SLC51B: variants seen among roughly 807,000 people sequenced by gnomAD.
The protein encoded by SLC51B is SLC51 subunit beta.
In SLC51B, 6 loss-of-function variants were observed where a neutral mutation model predicts 8.0. The observed-to-expected ratio is 0.75, with a 90% CI of 0.41 to 1.48. The LOEUF is 1.48. SLC51B is among the 40% of genes most tolerant of loss of function. The pLI, the probability that SLC51B is intolerant of heterozygous loss-of-function variation, is 0.01. For missense variants in SLC51B, 150 were observed against 149.7 expected (o/e 1.00, Z -0.01); for synonymous variants, 61 against 54.8 (o/e 1.11, Z -0.50).
intron 1 of SLC51B, among the ~76,000 whole-genome samples, chr15:65,048,157 G>T (rs1244809502): frequency 6.6e-6 from 1 of 151,222 alleles, no homozygotes; most frequent in Non-Finnish European, 1.5e-5. Context: ...CTCCAGCCTG[G>T]GCGACAGAGC....
At chr15:65,051,723 G>A in intron 3 of SLC51B, 118 bp downstream of exon 3, 4 of 821,752 alleles carry the variant, frequency 4.9e-6, no homozygotes, top group Non-Finnish European at 3.9e-6. Context: ...CTTTGGGACA[G>A]CAAAATTCAG....
rs2140506336 is a variant in SLC51B, at chr15:65,050,036, C to T, written c.32C>T (p.Pro11Leu). The change falls in exon 2 of 4, where the codon CCA becomes CTA. Residue 11 changes from proline to leucine, a missense_variant. Coordinates refer to ENST00000334287, the MANE Select transcript of SLC51B (RefSeq NM_178859.4). Reference protein sequence around the residue: MEHSEGAPGDPAGTVVPQELL... With the variant: MEHSEGAPGDLAGTVVPQELL... Reference sequence around the variant, plus strand: ...CACAGTGAGGGGGCTCCCGGAGACCCAGCCGGTACTGTGGTACCCCAGGAG... The same window carrying T: ...CACAGTGAGGGGGCTCCCGGAGACCTAGCCGGTACTGTGGTACCCCAGGAG... The T allele has an allele frequency of 6.4e-7, 1 of 1,551,670 alleles. No individual in the cohort carries two copies. The highest frequency in any genetic ancestry group is 1.4e-5 in the African/African-American group (1 of 73,170).
At position 65,053,375 on chromosome 15, in the gene SLC51B, G is replaced by A; in HGVS notation, c.*211G>A. The A allele has an allele frequency of 7.2e-7, 1 of 1,384,746 alleles. No homozygotes were observed. The highest frequency in any genetic ancestry group is 1.6e-5 in the South Asian group (1 of 62,692). The allele number at this position is 1,384,746 out of a possible 1,614,324, so 85.8% of individuals were successfully genotyped here. On this transcript the variant is annotated 3_prime_UTR_variant, in exon 4 of 4. Transcript: ENST00000334287. ...AAAAATCTTTTATTAAAATGCTCCT[G>A]GAAGGGAGCAGGTGGTATTGCATAG...
rs994661906 is a variant in SLC51B at position 65,053,339 on chromosome 15, C to T, written c.*175C>T. 11 of 1,415,964 alleles carry T rather than the reference C, an allele frequency of 7.8e-6. No individual in the cohort carries two copies. In the African/African-American group the frequency reaches 1.3e-4, roughly 17 times the overall value. The allele number at this position is 1,415,964 out of a possible 1,614,324, so 87.7% of individuals were successfully genotyped here. ...AATGAACTGCAAGCAAACTAAAATT[C>T]TGTTATTAAAAAAAATCTTTTATTA... On this transcript the variant is annotated 3_prime_UTR_variant, in exon 4 of 4. Coordinates refer to ENST00000334287, the MANE Select transcript of SLC51B (RefSeq NM_178859.4).
intron 2 of SLC51B, among the ~76,000 whole-genome samples, chr15:65,050,401 C>A (rs2086634698): frequency 1.3e-5 from 2 of 152,110 alleles, no homozygotes; most frequent in South Asian, 4.2e-4. Context: ...ACACAAAAAT[C>A]TCTGCCTTCA....
chr15:65,053,031 A>T lies in SLC51B; in HGVS notation c.254A>T (p.Asp85Val). Residue 85 changes from aspartate to valine, a missense_variant, in exon 4 of 4, where the codon GAT becomes GTT. Physicochemically the swap from Asp to Val is radical, Grantham distance 152 (BLOSUM62 -3). Coordinates refer to ENST00000334287, the MANE Select transcript of SLC51B (RefSeq NM_178859.4). ...PEVLHLDEAK[D>V]HNSLNNLRET... is the part of the protein sequence containing the mutation. ...GTCCTGCATTTGGATGAGGCCAAGG[A>T]TCACAACAGCCTAAACAACCTAAGA... The T allele has an allele frequency of 6.2e-7, 1 of 1,614,030 alleles. No individual in the cohort carries two copies. Among genetic ancestry groups the T allele is most frequent in the Non-Finnish European group, 8.5e-7 (1 of 1,180,006 alleles).
intron 1 of SLC51B, among the ~76,000 whole-genome samples, chr15:65,046,198 A>G (rs1410966483): frequency 1.3e-5 from 2 of 152,184 alleles, no homozygotes; most frequent in East Asian, 3.8e-4. Flanking sequence ...CTACTCAGGA[A>G]GCTGAGGCAG....
In SLC51B at chr15:65,051,528, T is replaced by A. The variant is rs778933086; in HGVS notation, c.111T>A (p.Asn37Lys). The change falls in exon 3 of 4, where the codon AAT (asparagine) becomes AAA (lysine). Residue 37 changes from asparagine to lysine, a missense_variant. Transcript: ENST00000334287. ...FFRVEDASPW[N>K]HSILALAAVV... The stretch of plus-strand genomic sequence containing the variant: ...GTCCTTCCCCAGCATCTCCCTGGAA[T>A]CATTCCATCCTTGCCCTGGCAGCTG... The A allele has an allele frequency of 6.2e-7, 1 of 1,613,718 alleles. No individual in the cohort carries two copies. Among genetic ancestry groups the A allele is most frequent in the African/African-American group, 1.3e-5 (1 of 75,024 alleles).
In SLC51B at chr15:65,051,579, C is replaced by T. The variant is rs1488551881; in HGVS notation, c.162C>T (p.Leu54=). 9.3e-6 allele frequency: 15 copies of T among 1,613,468 alleles called. No individual in the cohort carries two copies. In the African/African-American group the frequency reaches 2.0e-4, roughly 22 times the overall value. Residue 54 remains leucine, a synonymous_variant, in exon 3 of 4, where the codon CTC becomes CTT. Transcript: ENST00000334287. ...AAVVVIISMV[L]LGRSIQASRK... is the part of the protein sequence containing the mutation. ...TGGTGGTCATTATAAGCATGGTCCT[C>T]CTGGGAAGAAGCATCCAGGCAAGCA...
chr15:65,050,074 A>G lies in SLC51B; in HGVS notation c.70A>G (p.Met24Val). ...GGTACCCCAGGAGCTGCTGGAAGAG[A>G]TGCTTTGGTTTTTTCGTGTGGAAGA... is the stretch of plus-strand genomic sequence containing the variant. ...TVVPQELLEE[M>V]LWFFRVEDAS... Residue 24 changes from methionine (M) to valine (V), a missense_variant, in exon 2 of 4, where the codon ATG becomes GTG. Transcript: ENST00000334287. The G allele has an allele frequency of 6.4e-7, 1 of 1,551,546 alleles. No homozygotes were observed.
At chr15:65,049,549 A>T (rs2086621944) in intron 1 of SLC51B, 1 of 152,930 alleles carries the variant, frequency 6.5e-6, no homozygotes, top group African/African-American at 2.4e-5. Context: ...CCCAAGGGAC[A>T]AGTTGCTATG....
chr15:65,052,352 A>G (rs1391972153), intron 3 of SLC51B, among the ~76,000 whole-genome samples: 1 of 151,260 alleles, frequency 6.6e-6, no homozygotes, highest in Non-Finnish European at 1.5e-5. Flanking sequence ...CACAGGATTC[A>G]AGAGTCAGGA....
chr15:65,053,139 C>T lies in SLC51B; in HGVS notation c.362C>T (p.Pro121Leu), dbSNP rs75962063. 9.9e-6 allele frequency: 16 copies of T among 1,614,042 alleles called. No individual in the cohort carries two copies. The highest frequency in any genetic ancestry group is 8.9e-5 in the East Asian group (4 of 44,870). Residue 121 changes from proline to leucine, a missense_variant, in exon 4 of 4, where the codon CCG (proline) becomes CTG (leucine). Pro to Leu is a moderately conservative substitution (Grantham distance 98). Transcript: ENST00000334287. ...AGAGATGTGCTGTCAGTTTTCCTTCCGGATGTACCAGAAACTGAGAGCTAG... is the reference window on the plus strand; with the variant it reads ...AGAGATGTGCTGTCAGTTTTCCTTCTGGATGTACCAGAAACTGAGAGCTAG... ...KERDVLSVFL[P>L]DVPETES
chr15:65,051,797 C>A (rs553052950), intron 3 of SLC51B, among the ~76,000 whole-genome samples, 192 bp downstream of exon 3: 74 of 139,792 alleles, frequency 5.3e-4, no homozygotes, highest in African/African-American at 1.9e-3. Flanking sequence ...CAAAAAACAG[C>A]AACAGTCCCT....
chr15:65,047,547 AC>A (rs547668587), intron 1 of SLC51B, among the ~76,000 whole-genome samples: 101 of 152,144 alleles, frequency 6.6e-4, no homozygotes, highest in African/African-American at 1.3e-3. Flanking sequence ...CAACTTCAAT[AC>A]TTTTCTTTGT....
At chr15:65,047,605 C>T (rs902504440) in intron 1 of SLC51B, among the ~76,000 whole-genome samples, 2 of 152,140 alleles carry the variant, frequency 1.3e-5, no homozygotes, top group African/African-American at 4.8e-5. Context: ...GCTGATGTTA[C>T]TAATCAATCC....
intron 1 of SLC51B, among the ~76,000 whole-genome samples, 169 bp downstream of exon 1, chr15:65,045,751 C>G (rs1266748648): frequency 6.6e-6 from 1 of 152,116 alleles, no homozygotes. Flanking sequence ...GATCCTGGAA[C>G]AAGAAAAGAA....
In SLC51B at chr15:65,045,560, T is replaced by A. The variant is rs1481058521; in HGVS notation, c.-131T>A. 1 of 152,298 alleles carries A rather than the reference T, an allele frequency of 6.6e-6. No homozygotes were observed. The highest frequency in any genetic ancestry group is 2.4e-5 in the African/African-American group (1 of 41,472). The allele number at this position is 152,298 out of a possible 1,614,324, so 9.4% of individuals were successfully genotyped here. A position where few individuals can be genotyped will look rare whatever the true frequency, so the allele number is the denominator to read the frequency against. Reference sequence around the variant, plus strand: ...TGCTCCCAACAGCAGATCAAGGCAGTCGTCAGGAACTCAGGATCCGGGGTG... The same window carrying A: ...TGCTCCCAACAGCAGATCAAGGCAGACGTCAGGAACTCAGGATCCGGGGTG... On this transcript the variant is annotated 5_prime_UTR_variant, in exon 1 of 4. Coordinates refer to ENST00000334287, the MANE Select transcript of SLC51B (RefSeq NM_178859.4).
At chr15:65,051,086 C>T (rs894454283) in intron 2 of SLC51B, among the ~76,000 whole-genome samples, 3 of 152,054 alleles carry the variant, frequency 2.0e-5, no homozygotes, top group Non-Finnish European at 4.4e-5. Context: ...TCAGGTGATC[C>T]ACCTGACTCG....
Sources: allele counts gnomAD v4.1 joint callset (sites outside exome capture counted in the v4.1 genomes callset), GRCh38; gene constraint gnomAD v4.1.1; transcripts MANE v1.5; gene names NCBI Gene and HGNC (gene_info 2026-07-23, HGNC 2026-07-21).